Variants in AGBL1 observed in about 807,000 individuals in gnomAD.
AGBL1 encodes cytosolic carboxypeptidase 4.
Under a neutral mutation model 118.9 loss-of-function variants are expected in AGBL1, and 130 were observed. The ratio of observed to expected loss-of-function variants is 1.09; its 90% confidence interval spans 0.95 to 1.26. AGBL1 has a LOEUF of 1.26. Ranked by LOEUF, AGBL1 falls within the 50% of genes most tolerant of loss-of-function variation. The pLI is 0.00. For missense variants in AGBL1, 1,584 were observed against 1,298.1 expected, an observed-to-expected ratio of 1.22 and a Z score of -3.38; for synonymous variants, 555 against 478.9, an observed-to-expected ratio of 1.16 and a Z score of -2.08.
In AGBL1 at chr15:86,414,472, ATAG is replaced by A. The variant is rs565072710; in HGVS notation, c.2555+16929_2555+16931del. ...GCAGAATACCCCTGGAAGAAGAGTGATAGTATCTCCAGACCAGCATTTTCTTAA... is the reference window on the plus strand; with the variant it reads ...GCAGAATACCCCTGGAAGAAGAGTGATATCTCCAGACCAGCATTTTCTTAA... On this transcript the variant is annotated intron_variant, in intron 18 of 22. Transcript: ENST00000614907. Among the ~76,000 whole-genome samples the A allele has an allele frequency of 1.4e-3, 218 of 152,292 alleles. 6 individuals carry two copies. In the South Asian group the frequency reaches 0.043, roughly 30 times the overall value.
At chr15:87,024,899 T>C (rs1359425050) in intron 24 of AGBL1, among the ~76,000 whole-genome samples, 3 of 151,988 alleles carry the variant, frequency 2.0e-5, no homozygotes, top group East Asian at 3.9e-4. Context: ...TCTCAATAGA[T>C]GCAGAAAAAG....
Position 86,460,653 on chromosome 15 carries a change from C to T in AGBL1, c.2556-62157C>T, listed in dbSNP as rs547905509. Among the ~76,000 whole-genome samples the T allele has an allele frequency of 1.2e-4, 18 of 152,284 alleles. No homozygotes were observed. The South Asian group carries it at 1.9e-3, about 16-fold the overall frequency. On this transcript the variant is annotated intron_variant, in intron 18 of 22. Transcript: ENST00000614907. ...GAATTTGCAAGTTTAACATACACCA[C>T]GGGAAATCCTTACCATCAGAGAAGT...
intron 21 of AGBL1, among the ~76,000 whole-genome samples, chr15:86,586,406 T>C (rs1481527592): frequency 6.6e-6 from 1 of 152,190 alleles, no homozygotes; most frequent in South Asian, 2.1e-4. Flanking sequence ...TTACTATCAA[T>C]GTAAACCTAT....
downstream of AGBL1, among the ~76,000 whole-genome samples, chr15:86,918,509 G>A (rs1186219721): frequency 2.6e-5 from 4 of 151,102 alleles, no homozygotes; most frequent in Non-Finnish European, 5.9e-5. Flanking sequence ...CTGCACTCCA[G>A]CCTGGGCCAC....
At chr15:86,621,485 G>C (rs918034500) in intron 21 of AGBL1, among the ~76,000 whole-genome samples, 2 of 152,180 alleles carry the variant, frequency 1.3e-5, no homozygotes, top group African/African-American at 4.8e-5. Flanking sequence ...TCCTCGCCTT[G>C]TAGCTGCAAC....
intron 5 of AGBL1, among the ~76,000 whole-genome samples, chr15:86,187,991 A>C (rs1327570308): frequency 1.3e-5 from 2 of 152,216 alleles, no homozygotes; most frequent in African/African-American, 4.8e-5. Context: ...AAAGGCCCAG[A>C]TTAGGAAAAG....
intron 22 of AGBL1, among the ~76,000 whole-genome samples, chr15:86,693,627 G>A (rs1332119067): frequency 6.6e-6 from 1 of 152,010 alleles, no homozygotes; most frequent in East Asian, 1.9e-4. Flanking sequence ...TGTTTTTGTT[G>A]CATTTGCTTT....
chr15:86,976,890 T>C (rs974553471), intron 23 of AGBL1, among the ~76,000 whole-genome samples: 1 of 151,972 alleles, frequency 6.6e-6, no homozygotes, highest in African/African-American at 2.4e-5. Context: ...CTCACTCAAG[T>C]TGTTTGTCTT....
intron 5 of AGBL1, among the ~76,000 whole-genome samples, chr15:86,207,874 C>T (rs1008044940): frequency 2.6e-5 from 4 of 152,312 alleles, no homozygotes; most frequent in Middle Eastern, 3.4e-3. Context: ...TGAGAGAGGA[C>T]ATCCCTGTCT....
chr15:86,993,858 C>T (rs777462408), intron 24 of AGBL1, among the ~76,000 whole-genome samples: 6 of 152,076 alleles, frequency 3.9e-5, no homozygotes, highest in East Asian at 1.9e-4. Flanking sequence ...GCTCTTTAGA[C>T]ACTTCTTTAC....
chr15:86,521,796 G>A (rs1464036309), intron 18 of AGBL1, among the ~76,000 whole-genome samples: 5 of 152,156 alleles, frequency 3.3e-5, no homozygotes, highest in Non-Finnish European at 7.3e-5. Flanking sequence ...AAGTCAAGTG[G>A]GAACTGTTAG....
chr15:86,081,167 C>T (rs138934744), intron 1 of AGBL1, among the ~76,000 whole-genome samples: 45 of 152,216 alleles, frequency 3.0e-4, no homozygotes, highest in Non-Finnish European at 1.2e-4. Flanking sequence ...CCTCTGCCTC[C>T]CAAGTAGGTG....
At chr15:86,972,248 T>A (rs1344045994) in intron 23 of AGBL1, among the ~76,000 whole-genome samples, 1 of 151,988 alleles carries the variant, frequency 6.6e-6, no homozygotes, top group Non-Finnish European at 1.5e-5. Context: ...TGTCATAGAT[T>A]ATTGATCTGA....
intron 22 of AGBL1, among the ~76,000 whole-genome samples, chr15:86,832,666 C>T (rs2079121617): frequency 6.6e-6 from 1 of 152,190 alleles, no homozygotes; most frequent in Non-Finnish European, 1.5e-5. Context: ...CTTTGTTGCC[C>T]ATATCACTGT....
intron 21 of AGBL1, among the ~76,000 whole-genome samples, chr15:86,609,830 A>T (rs1402895586): frequency 1.3e-5 from 2 of 152,192 alleles, no homozygotes; most frequent in African/African-American, 4.8e-5. Context: ...ATAACAATTC[A>T]TCCAGATTTC....
At chr15:86,448,001 C>T (rs561162816) in intron 18 of AGBL1, among the ~76,000 whole-genome samples, 15 of 151,758 alleles carry the variant, frequency 9.9e-5, no homozygotes, top group East Asian at 9.8e-4. Context: ...AAAAACTAGC[C>T]GGGGGTGGTG....
chr15:86,284,523 C>T (rs1459639288), intron 16 of AGBL1, among the ~76,000 whole-genome samples: 1 of 152,094 alleles, frequency 6.6e-6, no homozygotes, highest in Non-Finnish European at 1.5e-5. Flanking sequence ...TTTTATTTAG[C>T]TTAAGGGTGT....
At chr15:86,718,306 C>T (rs1316274638) in intron 22 of AGBL1, among the ~76,000 whole-genome samples, 1 of 152,068 alleles carries the variant, frequency 6.6e-6, no homozygotes, top group African/African-American at 2.4e-5. Flanking sequence ...CCAAACACTG[C>T]ATGTTCTCAC....
intron 5 of AGBL1, among the ~76,000 whole-genome samples, chr15:86,182,318 T>C (rs2077564403): frequency 6.6e-6 from 1 of 152,044 alleles, no homozygotes. Flanking sequence ...CCCTTTGTCA[T>C]CTTAGGTTTT....
Sources: allele counts gnomAD v4.1 joint callset (sites outside exome capture counted in the v4.1 genomes callset), GRCh38; gene constraint gnomAD v4.1.1; transcripts MANE v1.5; gene names NCBI Gene and HGNC (gene_info 2026-07-23, HGNC 2026-07-21).